Variants in DIS3L2 observed in about 807,000 individuals in gnomAD.
DIS3L2 encodes the protein DIS3-like exonuclease 2.
Under a neutral mutation model 97.5 loss-of-function variants are expected in DIS3L2, and 34 were observed. The ratio of observed to expected loss-of-function variants is 0.35; its 90% CI spans 0.27 to 0.46. DIS3L2 has a LOEUF of 0.46. Among genes scored for constraint, DIS3L2 ranks in the 20% least tolerant of loss-of-function variants. The pLI, the probability that DIS3L2 is intolerant of heterozygous loss-of-function variation, is 1.00. For missense variants in DIS3L2, 1,038 were observed against 1,146.0 expected (o/e 0.91, Z 1.36); for synonymous variants, 435 against 445.2 (o/e 0.98, Z 0.29).
intron 12 of DIS3L2, 64 bp from the exon 13 acceptor site, chr2:232,263,142 GA>G (rs1693757773): frequency 6.6e-7 from 1 of 1,524,452 alleles, no homozygotes; most frequent in African/African-American, 1.4e-5. Context: ...ATGAATGGCT[GA>G]AGGAAGAAAA....
intron 8 of DIS3L2, among the ~76,000 whole-genome samples, chr2:232,161,004 G>T (rs538988372): frequency 6.6e-6 from 1 of 151,932 alleles, no homozygotes; most frequent in Non-Finnish European, 1.5e-5. Flanking sequence ...CGCAACCTCC[G>T]CCTCCCGGGT....
intron 5 of DIS3L2, among the ~76,000 whole-genome samples, chr2:232,061,433 C>G (rs1286828873): frequency 6.6e-6 from 1 of 152,216 alleles, no homozygotes; most frequent in Non-Finnish European, 1.5e-5. Flanking sequence ...CTTCCCAAAT[C>G]TTTGGGCAGG....
At chr2:232,274,387 T>C (rs907249446) in intron 13 of DIS3L2, among the ~76,000 whole-genome samples, 1 of 152,220 alleles carries the variant, frequency 6.6e-6, no homozygotes, top group Non-Finnish European at 1.5e-5. Context: ...GTCACTCATA[T>C]GTGAGCCAAA....
intron 1 of DIS3L2, among the ~76,000 whole-genome samples, chr2:232,013,433 C>G (rs1694267106): frequency 6.6e-6 from 1 of 152,222 alleles, no homozygotes; most frequent in African/African-American, 2.4e-5. Flanking sequence ...AGGCTGGACT[C>G]TATCCAAATG....
chr2:231,964,549 AT>A (rs1215128843), intron 1 of DIS3L2, among the ~76,000 whole-genome samples: 1 of 152,196 alleles, frequency 6.6e-6, no homozygotes, highest in Non-Finnish European at 1.5e-5. Context: ...TGTAAGCCTT[AT>A]TTGAACATGG....
intron 5 of DIS3L2, among the ~76,000 whole-genome samples, chr2:232,066,080 A>G (rs1432868327): frequency 2.0e-5 from 3 of 151,868 alleles, no homozygotes; most frequent in African/African-American, 7.2e-5. Context: ...GATTTTCTGC[A>G]TATATATTGT....
chr2:232,121,134 A>AC (rs1697891418), intron 6 of DIS3L2, among the ~76,000 whole-genome samples: 1 of 151,854 alleles, frequency 6.6e-6, no homozygotes, highest in Non-Finnish European at 1.5e-5. Context: ...TCTGCCTCCC[A>AC]CTCAATTTCC....
intron 1 of DIS3L2, among the ~76,000 whole-genome samples, chr2:231,964,768 A>G (rs1692665477): frequency 6.6e-6 from 1 of 152,254 alleles, no homozygotes; most frequent in Non-Finnish European, 1.5e-5. Flanking sequence ...AAAAGTGCAC[A>G]CATGAAATTA....
At chr2:232,026,643 C>G (rs918563556) in intron 4 of DIS3L2, among the ~76,000 whole-genome samples, 2 of 152,024 alleles carry the variant, frequency 1.3e-5, no homozygotes, top group Non-Finnish European at 2.9e-5. Context: ...CTGTGAACTC[C>G]TTGTCTGATG....
intron 14 of DIS3L2, among the ~76,000 whole-genome samples, chr2:232,324,884 C>T (rs148031854): frequency 1.3e-5 from 2 of 152,304 alleles, no homozygotes; most frequent in East Asian, 3.9e-4. Context: ...TCCATGCAAG[C>T]CACTGAGGAG....
chr2:232,270,862 CT>C (rs1574984596), intron 13 of DIS3L2, among the ~76,000 whole-genome samples: 234 of 14,590 alleles, frequency 0.016, 4 homozygotes, highest in African/African-American at 0.059. Flanking sequence ...TTTTTCTCGT[CT>C]CTCTCTCTCT....
rs1171483548 is a variant in DIS3L2 at position 232,249,344 on chromosome 2, A to G, written c.1423A>G (p.Lys475Glu). 1 of 1,614,086 alleles carries G rather than the reference A, an allele frequency of 6.2e-7. No homozygotes were observed. Among genetic ancestry groups the G allele is most frequent in the Admixed American group, 1.7e-5 (1 of 60,018 alleles). The change falls in exon 12 of 21, where the codon AAG (lysine) becomes GAG (glutamate). Residue 475 changes from lysine (K) to glutamate (E), a missense_variant and splice_region_variant. By Grantham distance (56) the Lys-to-Glu change is moderately conservative (BLOSUM62 1). Around this residue, in one of 3 missense-constraint regions of DIS3L2, gnomAD observed 813 missense variants for 880.1 expected, o/e 0.92. Coordinates refer to ENST00000325385, the MANE Select transcript of DIS3L2 (RefSeq NM_152383.5). ...GATCTGGACACTGACTCCAGAGGGC[A>G]AGGTAACAACTTACACGTTTTCTTT... ...SVIWTLTPEG[K>E]ILDEWFGRTI...
At chr2:232,216,979 A>T (rs921087063) in intron 10 of DIS3L2, among the ~76,000 whole-genome samples, 3 of 152,074 alleles carry the variant, frequency 2.0e-5, no homozygotes, top group Non-Finnish European at 4.4e-5. Context: ...AGTAGCCAGG[A>T]CTACAGGCGC....
At position 232,129,686 on chromosome 2, in the gene DIS3L2, GT is replaced by G. The variant is rs554431319; in HGVS notation, c.602-928del. 1.2e-3 allele frequency among the ~76,000 whole-genome samples: 178 copies of G among 152,314 alleles called. 1 individual carries two copies. The highest frequency in any genetic ancestry group is 4.1e-3 in the African/African-American group (170 of 41,568). On this transcript the variant is annotated intron_variant, in intron 6 of 20. Transcript: ENST00000325385. ...ATGGTAAAAGTTGGCTTTAAGCTGA[GT>G]TTTTGCTAAAAGGCAGCCAGTCCTG...
intron 13 of DIS3L2, among the ~76,000 whole-genome samples, chr2:232,283,352 G>A (rs186750045): frequency 1.3e-4 from 20 of 152,276 alleles, no homozygotes; most frequent in Admixed American, 1.1e-3. Flanking sequence ...GTCCTCCTAG[G>A]CTCGAGTGAT....
chr2:232,118,267 G>A (rs1021073873), intron 6 of DIS3L2, among the ~76,000 whole-genome samples: 1 of 152,154 alleles, frequency 6.6e-6, no homozygotes, highest in Non-Finnish European at 1.5e-5. Context: ...CAAGTCCCAG[G>A]TCCCGCCCAC....
At chr2:232,272,093 C>T (rs1008353865) in intron 13 of DIS3L2, among the ~76,000 whole-genome samples, 6 of 152,170 alleles carry the variant, frequency 3.9e-5, no homozygotes, top group Admixed American at 2.0e-4. Context: ...ATTATTATAA[C>T]CCTGAACTCT....
chr2:232,183,340 G>T (rs1691343355), intron 9 of DIS3L2, among the ~76,000 whole-genome samples: 1 of 152,178 alleles, frequency 6.6e-6, no homozygotes, highest in Non-Finnish European at 1.5e-5. Flanking sequence ...TAGCTTAGTG[G>T]TCACCTAATG....
intron 5 of DIS3L2, among the ~76,000 whole-genome samples, chr2:232,034,779 G>A (rs1694907258): frequency 6.6e-6 from 1 of 152,286 alleles, no homozygotes. Flanking sequence ...TGTGGGTTTT[G>A]AGTGAGTTTA....
Sources: gnomAD v4.1 joint callset for allele counts (sites outside exome capture counted in the v4.1 genomes callset) on GRCh38, gnomAD v4.1.1 for gene constraint, gnomAD v4.1.1 regional missense constraint, MANE v1.5 for transcripts, NCBI Gene and HGNC (gene_info 2026-07-23, HGNC 2026-07-21) for gene names.